The following ADAM22 variants were observed in gnomAD, a reference collection of about 807,000 sequenced individuals.
ADAM22 encodes the protein disintegrin and metalloproteinase domain-containing protein 22.
A neutral mutation model predicts 144.6 loss-of-function variants in ADAM22; 65 were observed. The ratio of observed to expected loss-of-function variants is 0.45; its 90% CI spans 0.37 to 0.55. ADAM22 has a LOEUF of 0.55. Among genes scored for constraint, ADAM22 ranks in the 20% least tolerant of loss-of-function variants. The pLI is 0.00. For synonymous variants in ADAM22, 391 were observed against 412.6 expected, an observed-to-expected ratio of 0.95 and a Z score of 0.63; for missense variants, 974 against 1,184.9, an observed-to-expected ratio of 0.82 and a Z score of 2.61.
chr7:87,985,211 G>A lies in ADAM22; in HGVS notation c.323+6799G>A, dbSNP rs1017165601. ...GCCTGTAGTCCCGGTTACTCGGGAG[G>A]CTGAGGCAAGAGAATGGCGTGAACC... On this transcript the variant is annotated intron_variant, in intron 3 of 31. Transcript: ENST00000413139. Among the ~76,000 whole-genome samples, 27 of 151,672 alleles carry A rather than the reference G, an allele frequency of 1.8e-4. No individual in the cohort carries two copies. In the East Asian group the frequency reaches 4.1e-3, roughly 23 times the overall value.
At chr7:87,967,919 G>A (rs1006826803) in intron 2 of ADAM22, among the ~76,000 whole-genome samples, 3 of 151,280 alleles carry the variant, frequency 2.0e-5, no homozygotes, top group South Asian at 2.1e-4. Flanking sequence ...CTATCTGACT[G>A]AATTTCTTTT....
At chr7:88,097,045 CTGAA>C (rs1821512537) in intron 4 of ADAM22, among the ~76,000 whole-genome samples, 1 of 151,904 alleles carries the variant, frequency 6.6e-6, no homozygotes, top group South Asian at 2.1e-4. Context: ...AAAATGACCA[CTGAA>C]TGCTAGTATT....
At chr7:87,966,733 T>G (rs1055028031) in intron 2 of ADAM22, among the ~76,000 whole-genome samples, 3 of 130,870 alleles carry the variant, frequency 2.3e-5, no homozygotes, top group Non-Finnish European at 3.3e-5. Context: ...TTTTTTTTTT[T>G]TTTTTTTTTT....
rs1412978391 is a variant in ADAM22 at position 88,201,817 on chromosome 7, A to C, written c.*5326A>C. 2 of 152,228 alleles carry C rather than the reference A, an allele frequency of 1.3e-5. No homozygotes were observed. Among genetic ancestry groups the C allele is most frequent in the African/African-American group, 2.4e-5 (1 of 41,460 alleles). The allele number at this position is 152,228 out of a possible 1,614,324, so 9.4% of individuals were successfully genotyped here. ...AGATAATGCACATACAGAATCATCA[A>C]TAAAGTTTCAAAGAGTTTATGAAGA... On this transcript the variant is annotated 3_prime_UTR_variant, in exon 32 of 32. Transcript: ENST00000413139.
chr7:87,991,333 G>T (rs1016661007), intron 3 of ADAM22, among the ~76,000 whole-genome samples: 6 of 148,500 alleles, frequency 4.0e-5, no homozygotes, highest in African/African-American at 1.5e-4. Flanking sequence ...GCCAAAGACT[G>T]ACAGCTATCA....
chr7:88,144,170 G>T (rs977734884), intron 15 of ADAM22, among the ~76,000 whole-genome samples: 1 of 151,872 alleles, frequency 6.6e-6, no homozygotes, highest in African/African-American at 2.4e-5. Flanking sequence ...TTATTTTGTT[G>T]TTTTTTTCCT....
chr7:88,064,701 A>AT (rs1563137528), intron 3 of ADAM22, among the ~76,000 whole-genome samples: 1 of 152,118 alleles, frequency 6.6e-6, no homozygotes, highest in African/African-American at 2.4e-5. Flanking sequence ...CTTTCTAAAG[A>AT]TTTTATAAAG....
intron 4 of ADAM22, among the ~76,000 whole-genome samples, chr7:88,084,888 G>T (rs28376601): frequency 1.3e-3 from 195 of 152,276 alleles, no homozygotes; most frequent in African/African-American, 4.5e-3. Context: ...TGACAGGGTT[G>T]GTTTCTGCCG....
At position 88,003,531 on chromosome 7, in the gene ADAM22, C is replaced by CTTTT. The variant is rs3831541; in HGVS notation, c.323+25120_323+25121insTTTT. On this transcript the variant is annotated intron_variant, in intron 3 of 31. Coordinates refer to ENST00000413139, the MANE Select transcript of ADAM22 (RefSeq NM_001324418.2). Reference sequence around the variant, plus strand: ...TTTGATGTATCCTGAGAGAATCACACTGAATTTTTTTTCAAAAGACAGAAT... The same window carrying CTTTT: ...TTTGATGTATCCTGAGAGAATCACACTTTTTGAATTTTTTTTCAAAAGACAGAAT... Among the ~76,000 whole-genome samples the CTTTT allele has an allele frequency of 6.1e-3, 930 of 152,160 alleles. 12 individuals carry two copies. The highest frequency in any genetic ancestry group is 0.046 in the East Asian group (240 of 5,186).
intron 12 of ADAM22, among the ~76,000 whole-genome samples, chr7:88,133,217 G>A (rs1375792827): frequency 1.3e-5 from 2 of 151,828 alleles, no homozygotes; most frequent in African/African-American, 2.4e-5. Flanking sequence ...ACAAAAATAG[G>A]TTGGGTGTGG....
intron 2 of ADAM22, among the ~76,000 whole-genome samples, chr7:87,944,816 G>GTTTTTTTTTTTTTTTT (rs11311070): frequency 4.7e-5 from 6 of 127,028 alleles, no homozygotes; most frequent in Non-Finnish European, 4.9e-5. Context: ...GGAAACTTGT[G>GTTTTTTTTTTTTTTTT]TTTTTTTTTT....
intron 3 of ADAM22, among the ~76,000 whole-genome samples, chr7:88,050,032 C>T (rs538649435): frequency 6.6e-6 from 1 of 151,734 alleles, no homozygotes; most frequent in Non-Finnish European, 1.5e-5. Flanking sequence ...AAACTCTAAC[C>T]TCAAGATGCT....
intron 3 of ADAM22, among the ~76,000 whole-genome samples, chr7:88,049,058 A>C (rs900975650): frequency 1.3e-5 from 2 of 152,224 alleles, no homozygotes; most frequent in African/African-American, 4.8e-5. Context: ...ATAATTGATC[A>C]TTTAACCCAC....
At chr7:88,193,870 G>A (rs1586669750) in intron 31 of ADAM22, among the ~76,000 whole-genome samples, 1 of 152,334 alleles carries the variant, frequency 6.6e-6, no homozygotes, top group Admixed American at 6.5e-5. Flanking sequence ...CAAGGTAAAC[G>A]TGGATCATTC....
chr7:87,974,173 G>A (rs1231081294), intron 2 of ADAM22, among the ~76,000 whole-genome samples: 5 of 150,990 alleles, frequency 3.3e-5, no homozygotes, highest in Non-Finnish European at 5.9e-5. Flanking sequence ...CCGTGGTGGC[G>A]GGTGTCTGTA....
chr7:88,019,046 A>G (rs548847291), intron 3 of ADAM22, among the ~76,000 whole-genome samples: 6 of 152,022 alleles, frequency 3.9e-5, no homozygotes, highest in Admixed American at 2.0e-4. Flanking sequence ...TTTGCCATCT[A>G]TAAAAATGTG....
intron 3 of ADAM22, among the ~76,000 whole-genome samples, chr7:88,033,822 C>T (rs1199093836): frequency 6.6e-6 from 1 of 152,152 alleles, no homozygotes; most frequent in Non-Finnish European, 1.5e-5. Context: ...CCTGTGTCCA[C>T]CACCCCACAG....
chr7:88,032,821 T>C (rs760901268), intron 3 of ADAM22, among the ~76,000 whole-genome samples: 12 of 152,188 alleles, frequency 7.9e-5, no homozygotes, highest in Non-Finnish European at 1.2e-4. Context: ...TCTGGTTGTT[T>C]GTAAGTGTGT....
chr7:87,970,902 A>T (rs1850272562), intron 2 of ADAM22, among the ~76,000 whole-genome samples: 1 of 152,132 alleles, frequency 6.6e-6, no homozygotes, highest in Non-Finnish European at 1.5e-5. Context: ...AGTTCCTGCC[A>T]TTTGGAGAGT....
Sources: allele counts gnomAD v4.1 joint callset (sites outside exome capture counted in the v4.1 genomes callset), GRCh38; gene constraint gnomAD v4.1.1; transcripts MANE v1.5; gene names NCBI Gene and HGNC (gene_info 2026-07-23, HGNC 2026-07-21).